WDR75: variants seen among roughly 807,000 people sequenced by gnomAD.
WDR75 encodes the protein WD repeat-containing protein 75.
In WDR75, 52 loss-of-function variants were observed where a neutral mutation model predicts 106.1. The ratio of observed to expected loss-of-function variants is 0.49; its 90% confidence interval spans 0.39 to 0.62. WDR75 has a LOEUF of 0.62. WDR75 is among the 20% of genes least tolerant of loss of function. The pLI, the probability that WDR75 is intolerant of heterozygous loss-of-function variation, is 0.00. For missense variants in WDR75, 905 were observed against 970.3 expected (o/e 0.93, Z 0.89); for synonymous variants, 333 against 335.5 (o/e 0.99, Z 0.08).
chr2:189,470,559 A>G (rs1170834521), intron 17 of WDR75, among the ~76,000 whole-genome samples: 1 of 151,694 alleles, frequency 6.6e-6, no homozygotes, highest in East Asian at 1.9e-4. Context: ...TTTGATTTGC[A>G]ATTTTTAAAA....
At chr2:189,450,817 G>T (rs952943522) in intron 2 of WDR75, 86 bp from the exon 3 acceptor site, 35 of 1,562,438 alleles carry the variant, frequency 2.2e-5, no homozygotes, top group Non-Finnish European at 2.7e-5. Flanking sequence ...AATAGAAAAT[G>T]CCCCTGATCA....
At chr2:189,457,097 C>T (rs1440284856) in intron 5 of WDR75, among the ~76,000 whole-genome samples, 2 of 151,976 alleles carry the variant, frequency 1.3e-5, no homozygotes, top group Non-Finnish European at 1.5e-5. Context: ...AAAAATTAGC[C>T]AGGCGTGGTG....
intron 16 of WDR75, 76 bp downstream of exon 16, chr2:189,469,515 C>A: frequency 8.0e-7 from 1 of 1,255,018 alleles, no homozygotes; most frequent in Non-Finnish European, 1.1e-6. Flanking sequence ...TTGAGCCAAA[C>A]TTGCCTTCAC....
At chr2:189,454,275 A>G (rs1457252954) in intron 4 of WDR75, among the ~76,000 whole-genome samples, 1 of 152,182 alleles carries the variant, frequency 6.6e-6, no homozygotes, top group African/African-American at 2.4e-5. Flanking sequence ...TACTCTGAGT[A>G]AAAAGAATAC....
In WDR75 at chr2:189,475,485, T is replaced by C; in HGVS notation, c.*68T>C. The C allele has an allele frequency of 2.2e-6, 2 of 928,792 alleles. No homozygotes were observed. Among genetic ancestry groups the C allele is most frequent in the South Asian group, 4.1e-5 (2 of 48,926 alleles). 57.5% of individuals were successfully genotyped at this position (928,792 alleles called of 1,614,324 possible). ...TGTATGTTGATATTCTAAAAACATC[T>C]ATTTTAATGTTATTTCTGTTCTAAA... On this transcript the variant is annotated 3_prime_UTR_variant, in exon 21 of 21. Transcript: ENST00000314761.
intron 1 of WDR75, 93 bp downstream of exon 1, chr2:189,441,671 C>A: frequency 7.1e-7 from 1 of 1,411,086 alleles, no homozygotes; most frequent in Non-Finnish European, 9.8e-7. Context: ...TTCGGACTCG[C>A]CCGCCTGGCG....
intron 19 of WDR75, 127 bp downstream of exon 19, chr2:189,474,459 C>A: frequency 8.7e-7 from 1 of 1,148,268 alleles, no homozygotes; most frequent in Non-Finnish European, 1.2e-6. Context: ...AAATAACTAA[C>A]AACAAACCGA....
At chr2:189,445,857 G>A (rs1213857421) in intron 1 of WDR75, among the ~76,000 whole-genome samples, 1 of 152,154 alleles carries the variant, frequency 6.6e-6, no homozygotes, top group African/African-American at 2.4e-5. Flanking sequence ...ATTAGAAAAC[G>A]TGTTCTATGT....
At chr2:189,472,023 T>C (rs1687128437) in intron 18 of WDR75, among the ~76,000 whole-genome samples, 2 of 152,216 alleles carry the variant, frequency 1.3e-5, no homozygotes, top group Admixed American at 6.5e-5. Context: ...TAACTTGGCT[T>C]GTTTATTTTC....
At position 189,469,371 on chromosome 2, in the gene WDR75, G is replaced by A; in HGVS notation, c.1751G>A (p.Arg584Lys). Residue 584 changes from arginine to lysine, a missense_variant, in exon 16 of 21, where the codon AGA becomes AAA. Physicochemically the swap from Arg to Lys is conservative, Grantham distance 26 (BLOSUM62 2). Coordinates refer to ENST00000314761, the MANE Select transcript of WDR75 (RefSeq NM_032168.3). ...ALEWNAKLNV[R>K]VMEPDPNSEN... ...GAGTGGAATGCAAAATTAAATGTTA[G>A]AGTTATGGAACCCGATCCTAATTCA... 1 of 1,613,442 alleles carries A rather than the reference G, an allele frequency of 6.2e-7. No homozygotes were observed. Among genetic ancestry groups the A allele is most frequent in the South Asian group, 1.1e-5 (1 of 91,066 alleles).
In WDR75 at chr2:189,441,532, G is replaced by T; in HGVS notation, c.40G>T (p.Gly14Cys). The T allele has an allele frequency of 6.4e-7, 1 of 1,565,224 alleles. No homozygotes were observed. The highest frequency in any genetic ancestry group is 8.7e-7 in the Non-Finnish European group (1 of 1,153,672). ...GAACATCCGCGTGGTTCGTTGTGGCGGCAGCGAGTTGAACTTTAGGAGAGC... is the reference window on the plus strand; with the variant it reads ...GAACATCCGCGTGGTTCGTTGTGGCTGCAGCGAGTTGAACTTTAGGAGAGC... ...EENIRVVRCG[G>C]SELNFRRAVF... The change falls in exon 1 of 21, where the codon GGC becomes TGC. Residue 14 changes from glycine to cysteine, a missense_variant. Gly to Cys is a radical substitution (Grantham distance 159, BLOSUM62 -3). Coordinates refer to ENST00000314761, the MANE Select transcript of WDR75 (RefSeq NM_032168.3).
rs376217736 is a variant in WDR75, at chr2:189,450,531, G to T, written c.217-372G>T. 20 of 960,472 alleles carry T rather than the reference G, an allele frequency of 2.1e-5. No individual in the cohort carries two copies. In the East Asian group the frequency reaches 1.1e-3, roughly 51 times the overall value. 59.5% of individuals were successfully genotyped at this position (960,472 alleles called of 1,614,324 possible). On this transcript the variant is annotated intron_variant, in intron 2 of 20. Coordinates refer to ENST00000314761, the MANE Select transcript of WDR75 (RefSeq NM_032168.3). ...GGGGTTTCGTCATGTTGGCCAGGCT[G>T]GTCTCGAACTCCTGGCCTCAAGTGA...
At chr2:189,455,240 CA>C (rs5837143) in intron 4 of WDR75, 79 bp from the exon 5 acceptor site, 1,025 of 1,232,690 alleles carry the variant, frequency 8.3e-4, no homozygotes, top group South Asian at 2.6e-3. Context: ...GACTTTGCCT[CA>C]AAAAAAAAAG....
chr2:189,462,778 A>G, intron 9 of WDR75, 136 bp downstream of exon 9: 1 of 767,706 alleles, frequency 1.3e-6, no homozygotes, highest in Non-Finnish European at 2.0e-6. Flanking sequence ...TCCTTGCATT[A>G]CTCCTCTCTT....
At chr2:189,448,790 A>C in intron 2 of WDR75, 2 of 531,532 alleles carry the variant, frequency 3.8e-6, no homozygotes, top group Non-Finnish European at 7.5e-6. Flanking sequence ...TGTTGATTGT[A>C]ATCTTTTTAG....
chr2:189,464,953 A>C, intron 11 of WDR75, 126 bp from the exon 12 acceptor site: 1 of 665,728 alleles, frequency 1.5e-6, no homozygotes, highest in Non-Finnish European at 2.3e-6. Flanking sequence ...CCTTTATTTA[A>C]AAATCTATTA....
chr2:189,450,687 C>G, intron 2 of WDR75: 1 of 1,355,744 alleles, frequency 7.4e-7, no homozygotes, highest in South Asian at 1.8e-5. Context: ...TTTCCTCTCT[C>G]TTTTAGTTAA....
intron 4 of WDR75, among the ~76,000 whole-genome samples, chr2:189,453,648 T>G (rs1351320195): frequency 6.6e-6 from 1 of 152,180 alleles, no homozygotes; most frequent in Non-Finnish European, 1.5e-5. Flanking sequence ...CTTCAGTACT[T>G]GGCATATAAT....
chr2:189,450,058 G>C, intron 2 of WDR75: 19 of 981,348 alleles, frequency 1.9e-5, no homozygotes, highest in Non-Finnish European at 2.2e-5. Flanking sequence ...ATGGTCCACA[G>C]ACCAGTGTCC....
Sources: gnomAD v4.1 joint callset for allele counts (sites outside exome capture counted in the v4.1 genomes callset) on GRCh38, gnomAD v4.1.1 for gene constraint, MANE v1.5 for transcripts, NCBI Gene and HGNC (gene_info 2026-07-23, HGNC 2026-07-21) for gene names.